The following SGIP1 variants were observed in gnomAD, a reference collection of about 807,000 sequenced individuals.
SGIP1 encodes the protein SH3-containing GRB2-like protein 3-interacting protein 1.
In SGIP1, 38 loss-of-function variants were observed where a neutral mutation model predicts 107.5. That is an observed-to-expected ratio of 0.35 (90% CI 0.27 to 0.46). The LOEUF is 0.46. Among genes scored for constraint, SGIP1 ranks in the 20% least tolerant of loss-of-function variants. The pLI is 1.00. For synonymous variants in SGIP1, 365 were observed against 366.1 expected, an observed-to-expected ratio of 1.00 and a Z score of 0.03; for missense variants, 929 against 1,019.5, an observed-to-expected ratio of 0.91 and a Z score of 1.21.
intron 1 of SGIP1, among the ~76,000 whole-genome samples, chr1:66,570,686 T>C (rs999123128): frequency 3.9e-5 from 6 of 151,978 alleles, no homozygotes; most frequent in African/African-American, 1.4e-4. Flanking sequence ...AAGGATTTAG[T>C]ATTGAGCAAA....
intron 18 of SGIP1, among the ~76,000 whole-genome samples, chr1:66,716,421 T>C (rs1260686161): frequency 6.6e-6 from 1 of 152,186 alleles, no homozygotes; most frequent in Non-Finnish European, 1.5e-5. Context: ...TCCCTTTATA[T>C]ACCAATATCT....
At chr1:66,621,247 C>T (rs770987550) in intron 1 of SGIP1, among the ~76,000 whole-genome samples, 3 of 152,096 alleles carry the variant, frequency 2.0e-5, no homozygotes, top group Admixed American at 1.3e-4. Flanking sequence ...AATTTGTGAC[C>T]GTATTGATGT....
intron 1 of SGIP1, among the ~76,000 whole-genome samples, chr1:66,545,168 G>T (rs768482322): frequency 6.6e-6 from 1 of 152,144 alleles, no homozygotes; most frequent in Non-Finnish European, 1.5e-5. Flanking sequence ...ATCTGCCTTT[G>T]ATTGTTTACC....
At chr1:66,585,534 T>C (rs1201666221) in intron 1 of SGIP1, among the ~76,000 whole-genome samples, 1 of 151,484 alleles carries the variant, frequency 6.6e-6, no homozygotes, top group Non-Finnish European at 1.5e-5. Context: ...CTATGGGCAG[T>C]GCTATTTTGA....
intron 1 of SGIP1, among the ~76,000 whole-genome samples, chr1:66,553,335 G>A (rs760351419): frequency 3.3e-4 from 50 of 152,126 alleles, no homozygotes; most frequent in Middle Eastern, 6.8e-3. Flanking sequence ...ACTGCCTCTT[G>A]TTATAGATGG....
chr1:66,645,717 A>C (rs2077536084), intron 7 of SGIP1, among the ~76,000 whole-genome samples: 1 of 152,212 alleles, frequency 6.6e-6, no homozygotes, highest in Non-Finnish European at 1.5e-5. Flanking sequence ...AAAGGTGAGC[A>C]GGTTTCTGGA....
At chr1:66,553,092 C>CGACA (rs1474792443) in intron 1 of SGIP1, among the ~76,000 whole-genome samples, 2 of 152,092 alleles carry the variant, frequency 1.3e-5, no homozygotes, top group African/African-American at 2.4e-5. Flanking sequence ...AATGCTGGGA[C>CGACA]GACAGCTCCA....
intron 1 of SGIP1, among the ~76,000 whole-genome samples, chr1:66,535,499 G>C (rs879812643): frequency 4.6e-5 from 7 of 152,196 alleles, no homozygotes; most frequent in Non-Finnish European, 1.0e-4. Context: ...CAGCAGTGTA[G>C]CCTGTACTTA....
At chr1:66,649,430 T>C (rs1234133556) in intron 7 of SGIP1, among the ~76,000 whole-genome samples, 1 of 152,186 alleles carries the variant, frequency 6.6e-6, no homozygotes. Flanking sequence ...AGTTTCTTTC[T>C]GTCTGAAATG....
intron 1 of SGIP1, among the ~76,000 whole-genome samples, chr1:66,581,466 A>G (rs2061813642): frequency 6.6e-6 from 1 of 152,040 alleles, no homozygotes; most frequent in African/African-American, 2.4e-5. Context: ...CTGTTATTAT[A>G]AAATATAGTT....
intron 19 of SGIP1, among the ~76,000 whole-genome samples, chr1:66,727,490 G>A (rs895793912): frequency 6.6e-6 from 1 of 151,984 alleles, no homozygotes; most frequent in Non-Finnish European, 1.5e-5. Context: ...TTCTTTGAGA[G>A]TCTACACCTA....
intron 18 of SGIP1, among the ~76,000 whole-genome samples, chr1:66,707,828 G>A (rs901176984): frequency 2.0e-5 from 3 of 152,218 alleles, no homozygotes; most frequent in Admixed American, 6.5e-5. Context: ...TGCCCAGAGA[G>A]CCTCTGTTAG....
intron 1 of SGIP1, among the ~76,000 whole-genome samples, chr1:66,590,853 AG>A (rs2063503261): frequency 8.7e-6 from 1 of 114,748 alleles, no homozygotes; most frequent in African/African-American, 3.2e-5. Flanking sequence ...CCAAAGTGCT[AG>A]AGTTACAGGC....
intron 1 of SGIP1, among the ~76,000 whole-genome samples, chr1:66,543,676 A>G (rs2055571510): frequency 6.6e-6 from 1 of 152,126 alleles, no homozygotes; most frequent in Non-Finnish European, 1.5e-5. Context: ...TGATTTTCTC[A>G]GTGAGTCAGT....
chr1:66,736,477 T>TCGCGTATTATATGTGAATATAATATA (rs2094255516), intron 21 of SGIP1, among the ~76,000 whole-genome samples: 1 of 77,280 alleles, frequency 1.3e-5, no homozygotes, highest in Non-Finnish European at 2.4e-5. Context: ...ATATAATATA[T>TCGCGTATTATATGTGAATATAATATA]TGCGTATTAT....
Position 66,673,288 on chromosome 1 carries a change from C to G in SGIP1, c.568C>G (p.Pro190Ala). 6.2e-7 allele frequency: 1 copy of G among 1,613,964 alleles called. No homozygotes were observed. Residue 190 changes from proline (P) to alanine (A), a missense_variant, in exon 12 of 25, where the codon CCT becomes GCT. Physicochemically the swap from Pro to Ala is conservative, Grantham distance 27. Around this residue, in one of 2 missense-constraint regions of SGIP1, gnomAD observed 588 missense variants for 588.6 expected, o/e 1.00. Coordinates refer to ENST00000371037, the MANE Select transcript of SGIP1 (RefSeq NM_032291.4). ...TPTPELISKK[P>A]PDDTTALAPL... is the part of the protein sequence containing the mutation. ...TTAATGTGTGTGATTTAGCAAAAAG[C>G]CTCCAGATGACACTACGGCCCTTGC... is the stretch of plus-strand genomic sequence containing the variant.
At chr1:66,680,035 T>C (rs2086325205) in intron 14 of SGIP1, among the ~76,000 whole-genome samples, 1 of 152,264 alleles carries the variant, frequency 6.6e-6, no homozygotes, top group African/African-American at 2.4e-5. Flanking sequence ...AATCTCAATA[T>C]GAAAATTCAT....
At position 66,682,119 on chromosome 1, in the gene SGIP1, A is replaced by G. The variant is rs1361242739; in HGVS notation, c.1065A>G (p.Pro355=). ...DSPAPGPLGP[P]GPTGPPGPPG... ...CAGCTCCAGGCCCTCTCGGCCCCCC[A>G]GGTCCCACAGGCCCCCCAGGGCCTC... Residue 355 remains proline, a synonymous_variant, in exon 15 of 25, where the codon CCA becomes CCG. Coordinates refer to ENST00000371037, the MANE Select transcript of SGIP1 (RefSeq NM_032291.4). 2.5e-6 allele frequency: 4 copies of G among 1,613,664 alleles called. No individual in the cohort carries two copies. In the East Asian group the frequency reaches 8.9e-5, roughly 36 times the overall value.
intron 1 of SGIP1, among the ~76,000 whole-genome samples, chr1:66,622,994 A>G (rs915873247): frequency 6.6e-6 from 1 of 152,186 alleles, no homozygotes; most frequent in Non-Finnish European, 1.5e-5. Context: ...TGTTATTCCT[A>G]TAAGATCCTT....
Sources: allele counts gnomAD v4.1 joint callset (sites outside exome capture counted in the v4.1 genomes callset), GRCh38; gene constraint gnomAD v4.1.1; regional missense constraint gnomAD v4.1.1; transcripts MANE v1.5; gene names NCBI Gene and HGNC (gene_info 2026-07-23, HGNC 2026-07-21).